The following MTUS2 variants were observed in gnomAD, a reference collection of about 807,000 sequenced individuals.
The protein encoded by MTUS2 is microtubule associated scaffold protein 2, also known as microtubule-associated tumor suppressor candidate 2.
In MTUS2, 40 loss-of-function variants were observed where a neutral mutation model predicts 114.1. That is an observed-to-expected ratio of 0.35 (90% CI 0.27 to 0.46). The LOEUF (loss-of-function observed/expected upper bound fraction) is 0.46. Ranked by LOEUF, MTUS2 falls within the 20% of genes least tolerant of loss-of-function variation. MTUS2 has a pLI of 1.00. For synonymous variants in MTUS2, 688 were observed against 672.0 expected (o/e 1.02, Z -0.37); for missense variants, 1,679 against 1,705.4 (o/e 0.98, Z 0.27).
intron 4 of MTUS2, among the ~76,000 whole-genome samples, chr13:29,041,415 A>C (rs4769666): frequency 1.3e-5 from 2 of 151,830 alleles, no homozygotes; most frequent in Non-Finnish European, 2.9e-5. Context: ...GCTTAGCCTT[A>C]CTTTGGGTAT....
chr13:29,342,136 CTT>C (rs1210553198), intron 7 of MTUS2, among the ~76,000 whole-genome samples: 1 of 151,936 alleles, frequency 6.6e-6, no homozygotes, highest in African/African-American at 2.4e-5. Context: ...TATGTGGACT[CTT>C]TTTTGGTTCT....
chr13:29,123,368 A>G (rs1455785814), intron 5 of MTUS2, among the ~76,000 whole-genome samples: 2 of 151,952 alleles, frequency 1.3e-5, no homozygotes, highest in African/African-American at 2.4e-5. Context: ...TTTCATTTAC[A>G]TTTCATCTTC....
chr13:29,389,508 CGTGTGTGTATGTGTAT>C (rs1432945118), intron 8 of MTUS2, among the ~76,000 whole-genome samples: 1 of 69,566 alleles, frequency 1.4e-5, no homozygotes, highest in Non-Finnish European at 3.1e-5. Flanking sequence ...TATGTATACA[CGTGTGTGTATGTGTAT>C]ATATGTATAC....
chr13:29,311,399 G>A (rs1440061781), intron 6 of MTUS2, among the ~76,000 whole-genome samples: 2 of 152,100 alleles, frequency 1.3e-5, no homozygotes, highest in Admixed American at 6.6e-5. Context: ...GTTAAGTATT[G>A]TATTTTATAA....
At chr13:28,894,303 A>AGAGAGGG (rs1566203647) in intron 2 of MTUS2, among the ~76,000 whole-genome samples, 2 of 3,208 alleles carry the variant, frequency 6.2e-4, no homozygotes, top group African/African-American at 1.1e-3. Context: ...AGAGAGAGAG[A>AGAGAGGG]GGGGGGGGGG....
At chr13:29,156,339 C>G (rs190537834) in intron 5 of MTUS2, among the ~76,000 whole-genome samples, 1 of 152,298 alleles carries the variant, frequency 6.6e-6, no homozygotes, top group Non-Finnish European at 1.5e-5. Flanking sequence ...CACTGCTTTG[C>G]TGTGTGATCT....
In MTUS2 at chr13:29,224,571, T is replaced by G. The variant is rs538553779; in HGVS notation, c.2645-57133T>G. Among the ~76,000 whole-genome samples the G allele has an allele frequency of 1.8e-4, 27 of 152,294 alleles. 1 individual carries two copies. The South Asian group carries it at 2.5e-3, about 14-fold the overall frequency. The stretch of plus-strand genomic sequence containing the variant: ...TTTATAGCTGTTTTGTTCCATAATT[T>G]GGGGGTATTTTTAAAATGGGTGTAC... On this transcript the variant is annotated intron_variant, in intron 5 of 15. Transcript: ENST00000612955.
rs576227740 is a variant in MTUS2, at chr13:28,976,763, A to G, written c.-242-47694A>G. 3.3e-5 allele frequency among the ~76,000 whole-genome samples: 5 copies of G among 152,354 alleles called. No individual in the cohort carries two copies. The South Asian group carries it at 1.0e-3, about 32-fold the overall frequency. Reference sequence around the variant, plus strand: ...TATATGTATACTAGGGTGCATGATCAGCTGTTAGGAAGCATCAGGAAGCTT... The same window carrying G: ...TATATGTATACTAGGGTGCATGATCGGCTGTTAGGAAGCATCAGGAAGCTT... On this transcript the variant is annotated intron_variant, in intron 2 of 15. Transcript: ENST00000612955.
At chr13:29,353,407 C>G (rs1237884879) in intron 7 of MTUS2, among the ~76,000 whole-genome samples, 1 of 152,158 alleles carries the variant, frequency 6.6e-6, no homozygotes, top group African/African-American at 2.4e-5. Context: ...CTCAAGCAAT[C>G]TTCCTGCCTC....
chr13:28,846,581 A>G (rs2138010900), intron 2 of MTUS2, among the ~76,000 whole-genome samples: 1 of 152,358 alleles, frequency 6.6e-6, no homozygotes. Context: ...ATAATATGCC[A>G]CTTACAGTGC....
chr13:29,077,377 G>GGAA (rs1889237922), intron 4 of MTUS2, among the ~76,000 whole-genome samples: 2 of 151,928 alleles, frequency 1.3e-5, no homozygotes, highest in Admixed American at 1.3e-4. Flanking sequence ...AAAACAACTA[G>GGAA]GAAGAACTAT....
At chr13:29,077,513 T>C (rs1834521342) in intron 4 of MTUS2, among the ~76,000 whole-genome samples, 1 of 152,208 alleles carries the variant, frequency 6.6e-6, no homozygotes, top group South Asian at 2.1e-4. Context: ...ACTGAATCAT[T>C]CTGCTTGATG....
chr13:29,309,126 C>T (rs61946360), intron 6 of MTUS2, among the ~76,000 whole-genome samples: 42,472 of 152,026 alleles, frequency 0.28, 6,782 homozygotes, highest in Middle Eastern at 0.37. Flanking sequence ...TACATGCATG[C>T]GTATGTTTAT....
Position 28,967,691 on chromosome 13 carries a change from T to A in MTUS2, c.-242-56766T>A, listed in dbSNP as rs542539941. On this transcript the variant is annotated intron_variant, in intron 2 of 15. Transcript: ENST00000612955. Reference sequence around the variant, plus strand: ...TTTAGAGCTCCGTGGCCCTTCTCATTTCCCCCTTCTCAAGTCAGCCACCTC... The same window carrying A: ...TTTAGAGCTCCGTGGCCCTTCTCATATCCCCCTTCTCAAGTCAGCCACCTC... Among the ~76,000 whole-genome samples the A allele has an allele frequency of 2.6e-4, 40 of 152,232 alleles. 1 individual carries two copies. Among genetic ancestry groups the A allele is most frequent in the African/African-American group, 9.4e-4 (39 of 41,538 alleles).
intron 8 of MTUS2, among the ~76,000 whole-genome samples, chr13:29,404,727 G>A (rs1180279138): frequency 1.1e-4 from 16 of 152,142 alleles, no homozygotes; most frequent in Admixed American, 1.0e-3. Flanking sequence ...GAGGCATAAA[G>A]GGTAAAGATG....
intron 5 of MTUS2, among the ~76,000 whole-genome samples, chr13:29,159,837 C>A (rs573278195): frequency 6.6e-6 from 1 of 152,166 alleles, no homozygotes; most frequent in Admixed American, 6.5e-5. Flanking sequence ...AAAATAGCGA[C>A]ATCACCAAAC....
At chr13:29,206,634 A>G (rs1274634748) in intron 5 of MTUS2, among the ~76,000 whole-genome samples, 3 of 152,194 alleles carry the variant, frequency 2.0e-5, no homozygotes, top group African/African-American at 4.8e-5. Context: ...GCGGCTTGCC[A>G]GTTATCTCAG....
chr13:29,423,644 G>A (rs189388489), intron 8 of MTUS2, among the ~76,000 whole-genome samples: 1 of 152,226 alleles, frequency 6.6e-6, no homozygotes, highest in Non-Finnish European at 1.5e-5. Context: ...AAAGGTGAGA[G>A]GAAACAAACA....
At chr13:29,283,553 A>C (rs1898359671) in intron 6 of MTUS2, among the ~76,000 whole-genome samples, 1 of 152,206 alleles carries the variant, frequency 6.6e-6, no homozygotes, top group Non-Finnish European at 1.5e-5. Flanking sequence ...AATCAACCCT[A>C]TAGCCCAGTG....
Sources: gnomAD v4.1 joint callset for allele counts (sites outside exome capture counted in the v4.1 genomes callset) on GRCh38, gnomAD v4.1.1 for gene constraint, MANE v1.5 for transcripts, NCBI Gene and HGNC (gene_info 2026-07-23, HGNC 2026-07-21) for gene names.